The following GYG2 variants were observed in gnomAD, a reference collection of about 807,000 sequenced individuals.
The protein encoded by GYG2 is glycogenin-2.
GYG2 carries 29 observed loss-of-function variants against 29.4 expected under a neutral mutation model. That is an observed-to-expected ratio of 0.99 (90% CI 0.74 to 1.35). The LOEUF (loss-of-function observed/expected upper bound fraction) is 1.35, where lower values mean the gene tolerates loss of function less well. Among genes scored for constraint, GYG2 ranks in the 40% most tolerant of loss-of-function variants. The probability of loss-of-function intolerance (pLI) is 0.00; values close to 1 mark genes in which losing one functional copy is unlikely to be tolerated. For synonymous variants in GYG2, 167 were observed against 172.3 expected, an observed-to-expected ratio of 0.97 and a Z score of 0.24; for missense variants, 370 against 385.7, an observed-to-expected ratio of 0.96 and a Z score of 0.34.
chrX:2,862,511 C>T (rs191004178), intron 8 of GYG2, among the ~76,000 whole-genome samples: 1 of 111,109 alleles, frequency 9.0e-6, no homozygotes, highest in East Asian at 2.8e-4. Flanking sequence ...ACTGCCTGGC[C>T]GTGCATCCTG....
intron 3 of GYG2, among the ~76,000 whole-genome samples, chrX:2,846,055 A>ATATTT (rs2087723665): frequency 5.2e-5 from 2 of 38,679 alleles, no homozygotes; most frequent in African/African-American, 9.8e-5. Flanking sequence ...ATATATATAT[A>ATATTT]TTTTTTTTTT....
At position 2,882,758 on chromosome X, in the gene GYG2, T is replaced by C. The variant is rs1389583986; in HGVS notation, c.*1545T>C. 3 of 110,422 alleles carry C rather than the reference T, an allele frequency of 2.7e-5. No homozygotes were observed. Among genetic ancestry groups the C allele is most frequent in the Non-Finnish European group, 5.7e-5 (3 of 52,860 alleles). 9.1% of individuals were successfully genotyped at this position (110,422 alleles called of 1,213,427 possible). ...CAGTCTGGAATTCCGCCGTGCATTC[T>C]AGCCTGTATCATCTCATTTGGACAA... On this transcript the variant is annotated 3_prime_UTR_variant, in exon 11 of 11. Coordinates refer to ENST00000398806, the MANE Select transcript of GYG2 (RefSeq NM_001079855.2).
In GYG2 at chrX:2,856,740, CT is replaced by C. The variant is rs1164592140; in HGVS notation, c.614+117del. 3,215 of 375,214 alleles carry C rather than the reference CT, an allele frequency of 8.6e-3. 19 individuals carry two copies. Among genetic ancestry groups the C allele is most frequent in the Non-Finnish European group, 0.012 (2,748 of 221,877 alleles). The allele number at this position is 375,214 out of a possible 1,213,427, so 30.9% of individuals were successfully genotyped here. A position where few individuals can be genotyped will look rare whatever the true frequency, so the allele number is the denominator to read the frequency against. On this transcript the variant is annotated intron_variant, in intron 6 of 10. Transcript: ENST00000398806. ...AAAACTCTATCTATCTATCTATCAT[CT>C]ATCTATCTATGTATCTATCTATCTA...
chrX:2,847,737 A>C (rs980386387), intron 3 of GYG2, among the ~76,000 whole-genome samples: 6 of 106,453 alleles, frequency 5.6e-5, no homozygotes, highest in Non-Finnish European at 9.5e-5. Context: ...TAAATAAATA[A>C]ATAAATAAAT....
chrX:2,856,636 A>G lies in GYG2; in HGVS notation c.614+12A>G. 1 of 1,193,119 alleles carries G rather than the reference A, an allele frequency of 8.4e-7. No homozygotes were observed. Among genetic ancestry groups the G allele is most frequent in the African/African-American group, 1.8e-5 (1 of 57,093 alleles). Reference sequence around the variant, plus strand: ...CCTGCCTTCAAGCAGTAAGTTCTCCACCCTGGCGAATCCTGCCAGATCTGC... The same window carrying G: ...CCTGCCTTCAAGCAGTAAGTTCTCCGCCCTGGCGAATCCTGCCAGATCTGC... On this transcript the variant is annotated intron_variant, in intron 6 of 10. Transcript: ENST00000398806.
intron 3 of GYG2, among the ~76,000 whole-genome samples, chrX:2,847,364 T>C (rs2087757383): frequency 2.7e-5 from 3 of 110,139 alleles, no homozygotes; most frequent in Admixed American, 9.9e-5. Context: ...AATGATAAGA[T>C]CCTTTTAAAA....
chrX:2,831,202 G>A (rs1208076432), intron 2 of GYG2, among the ~76,000 whole-genome samples: 1 of 112,603 alleles, frequency 8.9e-6, no homozygotes, highest in Non-Finnish European at 1.9e-5. Flanking sequence ...CATTCTATGA[G>A]TGCATTTTAT....
At chrX:2,864,447 T>C (rs747273008) in intron 8 of GYG2, among the ~76,000 whole-genome samples, 1 of 109,520 alleles carries the variant, frequency 9.1e-6, no homozygotes, top group South Asian at 4.1e-4. Flanking sequence ...TATGCATTTA[T>C]CTCAGTGAGC....
chrX:2,860,105 A>C, intron 7 of GYG2, 40 bp downstream of exon 7: 1 of 889,819 alleles, frequency 1.1e-6, no homozygotes, highest in Non-Finnish European at 1.6e-6. Flanking sequence ...GCTGAGGACG[A>C]GGAGAACATC....
rs145067198 is a variant in GYG2, at chrX:2,855,142, C to T, written c.474C>T (p.His158=). ...TCCTGCTACAGCACGCCATGGAACA[C>T]GGCAGCTTTGACGGTAAGTCAGGGC... ...HKLLLQHAME[H]GSFDGADQGL... is the part of the protein sequence containing the mutation. The change falls in exon 5 of 11, where the codon CAC becomes CAT. Residue 158 remains histidine (H), a synonymous_variant. Transcript: ENST00000398806. 57 of 1,208,746 alleles carry T rather than the reference C, an allele frequency of 4.7e-5. No homozygotes were observed. The highest frequency in any genetic ancestry group is 3.5e-4 in the African/African-American group (20 of 57,363).
intron 8 of GYG2, among the ~76,000 whole-genome samples, chrX:2,868,869 G>T (rs770129369): frequency 1.8e-5 from 2 of 111,362 alleles, no homozygotes; most frequent in African/African-American, 3.3e-5. Flanking sequence ...TTAACAAAAG[G>T]TATGTTGATT....
At chrX:2,835,947 C>T (rs1055615291) in intron 2 of GYG2, among the ~76,000 whole-genome samples, 9 of 110,187 alleles carry the variant, frequency 8.2e-5, no homozygotes, top group Admixed American at 3.9e-4. Flanking sequence ...TGAGAAGGGT[C>T]GTCTTGGGGA....
intron 3 of GYG2, among the ~76,000 whole-genome samples, chrX:2,844,981 T>C (rs757777551): frequency 3.0e-5 from 3 of 100,469 alleles, no homozygotes; most frequent in Non-Finnish European, 6.0e-5. Flanking sequence ...TATATATACA[T>C]GTATTATATA....
intron 3 of GYG2, among the ~76,000 whole-genome samples, chrX:2,845,012 C>A (rs750494774): frequency 9.8e-6 from 1 of 101,656 alleles, no homozygotes; most frequent in East Asian, 3.2e-4. Flanking sequence ...TATTTATATA[C>A]ACATGTGTAT....
intron 5 of GYG2, among the ~76,000 whole-genome samples, chrX:2,856,001 A>G (rs2087974878): frequency 9.0e-6 from 1 of 111,711 alleles, no homozygotes; most frequent in Non-Finnish European, 1.9e-5. Flanking sequence ...TAGTTGCTTG[A>G]CCCATGGTAG....
At chrX:2,871,952 C>A (rs1274994633) in intron 8 of GYG2, among the ~76,000 whole-genome samples, 1 of 111,775 alleles carries the variant, frequency 8.9e-6, no homozygotes, top group Non-Finnish European at 1.9e-5. Context: ...TCCTTTTTTG[C>A]TGTAAATGTT....
At chrX:2,844,502 G>C (rs748682673) in intron 3 of GYG2, among the ~76,000 whole-genome samples, 2 of 102,476 alleles carry the variant, frequency 2.0e-5, no homozygotes, top group African/African-American at 7.3e-5. Flanking sequence ...ACGCGTGTGC[G>C]TATATATGTG....
chrX:2,847,662 AC>A (rs1301211931), intron 3 of GYG2, among the ~76,000 whole-genome samples: 1 of 108,627 alleles, frequency 9.2e-6, no homozygotes, highest in African/African-American at 3.3e-5. Flanking sequence ...CCGAGATGGC[AC>A]CACTGTGCTC....
At chrX:2,853,551 G>T (rs1384943950) in intron 3 of GYG2, 1 of 115,674 alleles carries the variant, frequency 8.6e-6, no homozygotes, top group Non-Finnish European at 1.8e-5. Context: ...TGAACTTAGA[G>T]TAATCATTGT....
Sources: gnomAD v4.1 joint callset for allele counts (sites outside exome capture counted in the v4.1 genomes callset) on GRCh38, gnomAD v4.1.1 for gene constraint, MANE v1.5 for transcripts, NCBI Gene and HGNC (gene_info 2026-07-23, HGNC 2026-07-21) for gene names.